Variants in NBEA observed in about 807,000 individuals in gnomAD.
NBEA encodes the protein lysosomal-trafficking regulator 2.
NBEA carries 44 observed loss-of-function variants against 343.4 expected under a neutral mutation model. The observed-to-expected ratio is 0.13, with a 90% CI of 0.10 to 0.16. The LOEUF (loss-of-function observed/expected upper bound fraction) is 0.16, where lower values mean the gene tolerates loss of function less well. Among genes scored for constraint, NBEA ranks in the 10% least tolerant of loss-of-function variants. The pLI is 1.00. For synonymous variants in NBEA, 1,175 were observed against 1,238.7 expected, an observed-to-expected ratio of 0.95 and a Z score of 1.08; for missense variants, 2,555 against 3,631.3, an observed-to-expected ratio of 0.70 and a Z score of 7.62.
chr13:34,990,555 C>T (rs1056055134), intron 1 of NBEA, among the ~76,000 whole-genome samples: 1 of 150,950 alleles, frequency 6.6e-6, no homozygotes, highest in Non-Finnish European at 1.5e-5. Context: ...TGTAGGGTAG[C>T]AGGGCCCTGG....
At chr13:35,459,491 G>GAA (rs528609091) in intron 40 of NBEA, among the ~76,000 whole-genome samples, 4 of 141,558 alleles carry the variant, frequency 2.8e-5, no homozygotes, top group Admixed American at 1.4e-4. Flanking sequence ...GATTGTGATA[G>GAA]AAAAAAAAAA....
At chr13:35,012,609 C>T (rs566878584) in intron 1 of NBEA, among the ~76,000 whole-genome samples, 3 of 152,276 alleles carry the variant, frequency 2.0e-5, no homozygotes, top group African/African-American at 7.2e-5. Context: ...TAGTAAGTGA[C>T]AGGGTTGGGA....
intron 28 of NBEA, among the ~76,000 whole-genome samples, chr13:35,179,364 A>G (rs967832176): frequency 6.6e-6 from 1 of 151,532 alleles, no homozygotes; most frequent in African/African-American, 2.4e-5. Context: ...CAGACCGGAG[A>G]AACATTATAT....
chr13:35,072,713 C>G (rs2063928135), intron 10 of NBEA, among the ~76,000 whole-genome samples: 1 of 152,102 alleles, frequency 6.6e-6, no homozygotes, highest in East Asian at 1.9e-4. Flanking sequence ...AGGCACCTGC[C>G]ACCATGCCCA....
At position 35,672,190 on chromosome 13, in the gene NBEA, T is replaced by G. The variant is rs1566491739; in HGVS notation, c.*1199T>G. The G allele has an allele frequency of 6.5e-6, 1 of 152,680 alleles. No homozygotes were observed. The highest frequency in any genetic ancestry group is 1.5e-5 in the Non-Finnish European group (1 of 68,054). 9.5% of individuals were successfully genotyped at this position (152,680 alleles called of 1,614,324 possible). A position where few individuals can be genotyped will look rare whatever the true frequency, so the allele number is the denominator to read the frequency against. On this transcript the variant is annotated 3_prime_UTR_variant, in exon 59 of 59. Transcript: ENST00000379939. ...ACACCCAGGGGTATATACACTTTCT[T>G]CATGTTTCTTCTTTGTATATTTGGT... is the stretch of plus-strand genomic sequence containing the variant.
intron 45 of NBEA, among the ~76,000 whole-genome samples, chr13:35,573,332 A>G (rs10507424): frequency 0.18 from 27,213 of 152,240 alleles, 2,597 homozygotes; most frequent in South Asian, 0.22. Flanking sequence ...AATAAGACTT[A>G]GTTCATACCT....
intron 23 of NBEA, among the ~76,000 whole-genome samples, chr13:35,163,264 T>G (rs1418080896): frequency 4.6e-5 from 7 of 152,186 alleles, no homozygotes; most frequent in Admixed American, 3.9e-4. Context: ...TACACAGTGA[T>G]AGATAATAAT....
At chr13:35,459,015 C>G (rs57919238) in intron 40 of NBEA, among the ~76,000 whole-genome samples, 1 of 104,916 alleles carries the variant, frequency 9.5e-6, no homozygotes, top group African/African-American at 4.6e-5. Context: ...GCCCCCCCCC[C>G]CCCACACACA....
intron 38 of NBEA, among the ~76,000 whole-genome samples, chr13:35,428,321 C>T (rs554974443): frequency 3.3e-5 from 5 of 152,284 alleles, no homozygotes; most frequent in East Asian, 3.9e-4. Flanking sequence ...TCAGCTCTGC[C>T]GACTTTCTCC....
chr13:35,421,365 A>G (rs2044260348), intron 38 of NBEA, among the ~76,000 whole-genome samples: 1 of 151,972 alleles, frequency 6.6e-6, no homozygotes, highest in Non-Finnish European at 1.5e-5. Context: ...TGCTCTAAGT[A>G]TTACATTTTT....
chr13:35,299,730 G>C (rs2036407335), intron 35 of NBEA, among the ~76,000 whole-genome samples: 1 of 152,162 alleles, frequency 6.6e-6, no homozygotes. Context: ...GTCTATGTAG[G>C]TGTGTTTTCT....
chr13:35,562,840 G>T (rs1202169574), intron 44 of NBEA, among the ~76,000 whole-genome samples: 1 of 151,954 alleles, frequency 6.6e-6, no homozygotes, highest in African/African-American at 2.4e-5. Flanking sequence ...ATATTTTGCT[G>T]TCATTAACAT....
intron 41 of NBEA, among the ~76,000 whole-genome samples, chr13:35,494,327 T>C (rs1292222492): frequency 6.6e-6 from 1 of 151,964 alleles, no homozygotes; most frequent in East Asian, 1.9e-4. Context: ...AACAAAAATG[T>C]GATTAAGACT....
chr13:35,012,875 A>G (rs2152534791), intron 1 of NBEA, among the ~76,000 whole-genome samples: 1 of 152,258 alleles, frequency 6.6e-6, no homozygotes, highest in African/African-American at 2.4e-5. Flanking sequence ...TTGAAAAAAG[A>G]AATTTTGTAA....
At chr13:34,966,634 T>C (rs557277423) in intron 1 of NBEA, among the ~76,000 whole-genome samples, 28 of 150,022 alleles carry the variant, frequency 1.9e-4, no homozygotes, top group South Asian at 4.2e-4. Context: ...TTTTTTTTTT[T>C]TCTCTCTCTC....
At chr13:35,627,440 CT>C (rs903149537) in intron 48 of NBEA, among the ~76,000 whole-genome samples, 27 of 149,174 alleles carry the variant, frequency 1.8e-4, no homozygotes, top group South Asian at 1.3e-3. Context: ...ATAAAAAGGC[CT>C]TTTTTTTTTC....
chr13:35,291,748 C>G (rs2035813128), intron 35 of NBEA, among the ~76,000 whole-genome samples: 2 of 151,866 alleles, frequency 1.3e-5, no homozygotes, highest in South Asian at 4.1e-4. Flanking sequence ...ATGGCCTCAT[C>G]ATCTAATCAT....
At chr13:35,132,111 A>G (rs1156667601) in intron 17 of NBEA, among the ~76,000 whole-genome samples, 1 of 152,188 alleles carries the variant, frequency 6.6e-6, no homozygotes, top group Non-Finnish European at 1.5e-5. Flanking sequence ...AAGAAGTGAT[A>G]GCATGTTCAT....
chr13:35,178,001 T>A lies in NBEA; in HGVS notation c.4662+898T>A, dbSNP rs557531028. 1.3e-4 allele frequency among the ~76,000 whole-genome samples: 19 copies of A among 151,874 alleles called. No individual in the cohort carries two copies. The South Asian group carries it at 3.3e-3, about 27-fold the overall frequency. On this transcript the variant is annotated intron_variant, in intron 28 of 58. Transcript: ENST00000379939. ...TTAATATATATTAGTTATAAAATGCTAGGAAAATTCCAAACATACCAACAG... is the reference window on the plus strand; with the variant it reads ...TTAATATATATTAGTTATAAAATGCAAGGAAAATTCCAAACATACCAACAG...
Sources: gnomAD v4.1 joint callset for allele counts (sites outside exome capture counted in the v4.1 genomes callset) on GRCh38, gnomAD v4.1.1 for gene constraint, MANE v1.5 for transcripts, NCBI Gene and HGNC (gene_info 2026-07-23, HGNC 2026-07-21) for gene names.